The following ATXN7L3 variants were observed in gnomAD, a reference collection of about 807,000 sequenced individuals.
ATXN7L3 encodes the protein ataxin 7 like 3.
In ATXN7L3, 6 loss-of-function variants were observed where a neutral mutation model predicts 50.0. The observed-to-expected ratio is 0.12, with a 90% CI of 0.07 to 0.24. The LOEUF (loss-of-function observed/expected upper bound fraction) is 0.24, where lower values mean the gene tolerates loss of function less well. Among genes scored for constraint, ATXN7L3 ranks in the 10% least tolerant of loss-of-function variants. The pLI is 1.00. For synonymous variants in ATXN7L3, 198 were observed against 165.8 expected (o/e 1.19, Z -1.49); for missense variants, 322 against 451.3 (o/e 0.71, Z 2.60).
chr17:44,194,248 TCC>T lies in ATXN7L3; in HGVS notation c.*13_*14del, dbSNP rs1371680315. ...GAGGGCTCTGCTCAGCCAAAGGCTATCCCTTGCACCCAAGTCAGTTGATGTCA... is the reference window on the plus strand; with the variant it reads ...GAGGGCTCTGCTCAGCCAAAGGCTATCTTGCACCCAAGTCAGTTGATGTCA... On this transcript the variant is annotated 3_prime_UTR_variant, in exon 13 of 13. Coordinates refer to ENST00000587097, the MANE Select transcript of ATXN7L3 (RefSeq NM_001382309.1). 1.1e-5 allele frequency: 17 copies of T among 1,613,674 alleles called. No homozygotes were observed. The highest frequency in any genetic ancestry group is 1.4e-5 in the Non-Finnish European group (17 of 1,179,882).
At chr17:44,196,225 C>T in intron 6 of ATXN7L3, 146 bp from the exon 7 acceptor site, 1 of 859,150 alleles carries the variant, frequency 1.2e-6, no homozygotes. Flanking sequence ...CCCATGTGCC[C>T]TCCCCCACCC....
rs374623433 is a variant in ATXN7L3, at chr17:44,198,080, C to T, written c.-10G>A. ...TTTCCTCCATTTTCATTTGTAAACT[C>T]TTGTGGAGACGGCGCTCTGACTGCT... On this transcript the variant is annotated 5_prime_UTR_variant, in exon 2 of 13. Transcript: ENST00000587097. 3 of 1,613,876 alleles carry T rather than the reference C, an allele frequency of 1.9e-6. No homozygotes were observed. Among genetic ancestry groups the T allele is most frequent in the Non-Finnish European group, 2.5e-6 (3 of 1,179,908 alleles).
At chr17:44,196,236 CCCTTCCCCA>C in intron 6 of ATXN7L3, 151 bp downstream of exon 6, 1 of 768,494 alleles carries the variant, frequency 1.3e-6, no homozygotes, top group Non-Finnish European at 2.1e-6. Context: ...TCCCCCACCC[CCCTTCCCCA>C]CCCACACTCC....
chr17:44,194,226 G>T lies in ATXN7L3; in HGVS notation c.*37C>A. On this transcript the variant is annotated 3_prime_UTR_variant, in exon 13 of 13. Coordinates refer to ENST00000587097, the MANE Select transcript of ATXN7L3 (RefSeq NM_001382309.1). ...CACCTGGGTGGGGGTCAGGAGAGAG[G>T]GCTCTGCTCAGCCAAAGGCTATCCC... The T allele has an allele frequency of 6.2e-7, 1 of 1,608,646 alleles. No individual in the cohort carries two copies. Among genetic ancestry groups the T allele is most frequent in the Non-Finnish European group, 8.5e-7 (1 of 1,177,116 alleles).
Position 44,199,691 on chromosome 17 carries a change from C to A in ATXN7L3, c.-256G>T, listed in dbSNP as rs1220005950. 1 of 143,902 alleles carries A rather than the reference C, an allele frequency of 6.9e-6. No homozygotes were observed. Among genetic ancestry groups the A allele is most frequent in the African/African-American group, 2.5e-5 (1 of 39,624 alleles). The allele number at this position is 143,902 out of a possible 1,614,324, so 8.9% of individuals were successfully genotyped here. A position where few individuals can be genotyped will look rare whatever the true frequency, so the allele number is the denominator to read the frequency against. On this transcript the variant is annotated 5_prime_UTR_variant, in exon 1 of 13. Coordinates refer to ENST00000587097, the MANE Select transcript of ATXN7L3 (RefSeq NM_001382309.1). Reference sequence around the variant, plus strand: ...TCACCGGGCGGCCATGGCCCCTTCCCCTCCCTTCTTGTCCCGTCGCCGCCT... The same window carrying A: ...TCACCGGGCGGCCATGGCCCCTTCCACTCCCTTCTTGTCCCGTCGCCGCCT...
chr17:44,192,678 T>C lies in ATXN7L3; in HGVS notation c.*1585A>G, dbSNP rs1020138810. ...TTAAAAAATAATCACAATTTGTGGG[T>C]TAAAAACCAATTTGCAACCAGGCAT... is the stretch of plus-strand genomic sequence containing the variant. On this transcript the variant is annotated 3_prime_UTR_variant, in exon 13 of 13. Coordinates refer to ENST00000587097, the MANE Select transcript of ATXN7L3 (RefSeq NM_001382309.1). 1 of 152,142 alleles carries C rather than the reference T, an allele frequency of 6.6e-6. No homozygotes were observed. Among genetic ancestry groups the C allele is most frequent in the Non-Finnish European group, 1.5e-5 (1 of 68,024 alleles). The allele number at this position is 152,142 out of a possible 1,614,324, so 9.4% of individuals were successfully genotyped here. A position where few individuals can be genotyped will look rare whatever the true frequency, so the allele number is the denominator to read the frequency against.
In ATXN7L3 at chr17:44,191,865, C is replaced by A. The variant is rs574875471; in HGVS notation, c.*2398G>T. The A allele has an allele frequency of 2.4e-6, 1 of 424,948 alleles. No individual in the cohort carries two copies. Among genetic ancestry groups the A allele is most frequent in the Non-Finnish European group, 3.1e-6 (1 of 318,020 alleles). The allele number at this position is 424,948 out of a possible 1,614,324, so 26.3% of individuals were successfully genotyped here. On this transcript the variant is annotated 3_prime_UTR_variant, in exon 13 of 13. Transcript: ENST00000587097. ...CCATGGGGGCAGAGGGAATACACAG[C>A]GTTTACAAAGTTAGCTACCTGTACA...
intron 6 of ATXN7L3, 99 bp from the exon 7 acceptor site, chr17:44,196,178 A>G (rs1165991329): frequency 9.1e-6 from 13 of 1,423,758 alleles, no homozygotes; most frequent in African/African-American, 4.3e-5. Flanking sequence ...AGCATCCTCA[A>G]ATTCCTACTC....
In ATXN7L3 at chr17:44,193,068, G is replaced by C. The variant is rs2055753455; in HGVS notation, c.*1195C>G. On this transcript the variant is annotated 3_prime_UTR_variant, in exon 13 of 13. Coordinates refer to ENST00000587097, the MANE Select transcript of ATXN7L3 (RefSeq NM_001382309.1). Reference sequence around the variant, plus strand: ...CACACTGGCATGACAGTCCCACAGAGGGGCAGTGACACCCCTTCCCCTCCA... The same window carrying C: ...CACACTGGCATGACAGTCCCACAGACGGGCAGTGACACCCCTTCCCCTCCA... 1 of 152,252 alleles carries C rather than the reference G, an allele frequency of 6.6e-6. No homozygotes were observed. 9.4% of individuals were successfully genotyped at this position (152,252 alleles called of 1,614,324 possible). A position where few individuals can be genotyped will look rare whatever the true frequency, so the allele number is the denominator to read the frequency against.
intron 2 of ATXN7L3, 22 bp from the exon 3 acceptor site, chr17:44,197,752 C>A: frequency 6.2e-7 from 1 of 1,614,226 alleles, no homozygotes; most frequent in Non-Finnish European, 8.5e-7. Flanking sequence ...GGGAGAACAT[C>A]TACGGTCACA....
At position 44,196,418 on chromosome 17, in the gene ATXN7L3, G is replaced by C. The variant is rs756181339; in HGVS notation, c.455C>G (p.Ala152Gly). Residue 152 changes from alanine to glycine, a missense_variant and splice_region_variant, in exon 6 of 13, where the codon GCC (alanine) becomes GGC (glycine). Around this residue, in one of 5 missense-constraint regions of ATXN7L3, gnomAD observed 95 missense variants for 98.1 expected, o/e 0.97. Transcript: ENST00000587097. ...NDWSYGSEKK[A>G]KKRKSDKNPN... Reference sequence around the variant, plus strand: ...CACCTTGTCTGACTTTCTCTTCTTGGCTGTGGGAAACAAAAGCATAAAGAG... The same window carrying C: ...CACCTTGTCTGACTTTCTCTTCTTGCCTGTGGGAAACAAAAGCATAAAGAG... The C allele has an allele frequency of 5.0e-6, 8 of 1,613,814 alleles. No individual in the cohort carries two copies. The East Asian group carries it at 1.6e-4, about 31-fold the overall frequency.
At position 44,196,918 on chromosome 17, in the gene ATXN7L3, T is replaced by C. The variant is rs1016830744; in HGVS notation, c.454+11A>G. On this transcript the variant is annotated intron_variant, in intron 5 of 12. Coordinates refer to ENST00000587097, the MANE Select transcript of ATXN7L3 (RefSeq NM_001382309.1). ...CCAATGCCCCCCGGGTTTCCCCAGA[T>C]CCCCAAGCACCTTTCTTCTCCGAGC... The C allele has an allele frequency of 6.3e-7, 1 of 1,598,354 alleles. No homozygotes were observed. The highest frequency in any genetic ancestry group is 1.4e-5 in the African/African-American group (1 of 74,032).
intron 7 of ATXN7L3, 39 bp from the exon 8 acceptor site, chr17:44,195,867 G>A (rs1184040063): frequency 3.7e-6 from 6 of 1,604,190 alleles, no homozygotes; most frequent in African/African-American, 1.3e-5. Flanking sequence ...GTTTGATGCA[G>A]AGGTACAGAC....
chr17:44,194,881 G>A (rs766458110), intron 10 of ATXN7L3, 42 bp from the exon 11 acceptor site: 72 of 1,605,254 alleles, frequency 4.5e-5, no homozygotes, highest in Non-Finnish European at 5.2e-5. Context: ...AGGAACTCAG[G>A]TAAAGCCCCT....
rs2055744678 is a variant in ATXN7L3, at chr17:44,192,884, G to C, written c.*1379C>G. 6.6e-6 allele frequency: 1 copy of C among 152,276 alleles called. No individual in the cohort carries two copies. The highest frequency in any genetic ancestry group is 1.5e-5 in the Non-Finnish European group (1 of 68,132). The allele number at this position is 152,276 out of a possible 1,614,324, so 9.4% of individuals were successfully genotyped here. On this transcript the variant is annotated 3_prime_UTR_variant, in exon 13 of 13. Transcript: ENST00000587097. ...GGGAAGAGGGTAGGGGACATGTCCA[G>C]CAAGTGCCAGAGAACTTGGCTCAGG...
intron 3 of ATXN7L3, 28 bp downstream of exon 3, chr17:44,197,570 A>C: frequency 6.2e-7 from 1 of 1,614,102 alleles, no homozygotes; most frequent in Non-Finnish European, 8.5e-7. Context: ...GAAGGGCTGG[A>C]CTGCTGCTCC....
chr17:44,196,154 A>G lies in ATXN7L3; in HGVS notation c.478-75T>C, dbSNP rs530780797. The stretch of plus-strand genomic sequence containing the variant: ...AGCCGAGAACCCAGGGAAGGAAAAA[A>G]GATTTGACAAAGCAGCATCCTCAAA... On this transcript the variant is annotated intron_variant, in intron 6 of 12. Coordinates refer to ENST00000587097, the MANE Select transcript of ATXN7L3 (RefSeq NM_001382309.1). 3 of 1,516,106 alleles carry G rather than the reference A, an allele frequency of 2.0e-6. No homozygotes were observed. The South Asian group carries it at 3.4e-5, about 17-fold the overall frequency. 93.9% of individuals were successfully genotyped at this position (1,516,106 alleles called of 1,614,324 possible). A position where few individuals can be genotyped will look rare whatever the true frequency, so the allele number is the denominator to read the frequency against.
In ATXN7L3 at chr17:44,194,248, T is replaced by C; in HGVS notation, c.*15A>G. The C allele has an allele frequency of 1.9e-6, 3 of 1,613,792 alleles. No individual in the cohort carries two copies. The highest frequency in any genetic ancestry group is 2.5e-6 in the Non-Finnish European group (3 of 1,179,874). ...GAGGGCTCTGCTCAGCCAAAGGCTATCCCTTGCACCCAAGTCAGTTGATGT... is the reference window on the plus strand; with the variant it reads ...GAGGGCTCTGCTCAGCCAAAGGCTACCCCTTGCACCCAAGTCAGTTGATGT... On this transcript the variant is annotated 3_prime_UTR_variant, in exon 13 of 13. Transcript: ENST00000587097.
At chr17:44,194,863 G>C in intron 10 of ATXN7L3, 24 bp from the exon 11 acceptor site, 1 of 1,613,122 alleles carries the variant, frequency 6.2e-7, no homozygotes, top group Non-Finnish European at 8.5e-7. Context: ...AAGGCAGGGA[G>C]GGTTCTGAGG....
Sources: allele counts gnomAD v4.1 joint callset, GRCh38; gene constraint gnomAD v4.1.1; regional missense constraint gnomAD v4.1.1; transcripts MANE v1.5; gene names NCBI Gene and HGNC (gene_info 2026-07-23, HGNC 2026-07-21).